The following ILDR2 variants were observed in gnomAD, a reference collection of about 807,000 sequenced individuals.
The protein encoded by ILDR2 is immunoglobulin like domain containing receptor 2, also known as immunoglobulin-like domain-containing receptor 2.
A neutral mutation model predicts 66.8 loss-of-function variants in ILDR2; 25 were observed. The observed-to-expected ratio is 0.37, with a 90% CI of 0.27 to 0.52. ILDR2 has a LOEUF of 0.52. Ranked by LOEUF, ILDR2 falls within the 20% of genes least tolerant of loss-of-function variation. The pLI is 0.88. For synonymous variants in ILDR2, 367 were observed against 357.2 expected, an observed-to-expected ratio of 1.03 and a Z score of -0.31; for missense variants, 827 against 876.8, an observed-to-expected ratio of 0.94 and a Z score of 0.72.
Position 166,975,215 on chromosome 1 carries a change from A to G in ILDR2, c.46+8T>C. The G allele has an allele frequency of 6.2e-7, 1 of 1,606,990 alleles. No homozygotes were observed. The highest frequency in any genetic ancestry group is 1.7e-5 in the Admixed American group (1 of 59,984). On this transcript the variant is annotated splice_region_variant and intron_variant, in intron 1 of 9. Coordinates refer to ENST00000271417, the MANE Select transcript of ILDR2 (RefSeq NM_199351.3). ...AAGTTATTCGTTTCTGTTGAAAAGGACTCTTACCTGTTAGCCAGAAGAGAG... is the reference window on the plus strand; with the variant it reads ...AAGTTATTCGTTTCTGTTGAAAAGGGCTCTTACCTGTTAGCCAGAAGAGAG...
intron 5 of ILDR2, 28 bp from the exon 6 acceptor site, chr1:166,935,505 G>T: frequency 6.5e-7 from 1 of 1,528,342 alleles, no homozygotes. Context: ...GAGCAAGAGA[G>T]ATTACGTCGT....
chr1:166,927,043 C>G (rs373108107), intron 7 of ILDR2, 24 bp downstream of exon 7: 5 of 1,538,442 alleles, frequency 3.3e-6, no homozygotes, highest in Middle Eastern at 1.7e-4. Flanking sequence ...ATGCACAGAT[C>G]ACAGAAAACT....
chr1:166,939,491 T>C (rs1259155213), intron 4 of ILDR2, 23 bp downstream of exon 4: 2 of 1,602,592 alleles, frequency 1.2e-6, no homozygotes, highest in East Asian at 4.5e-5. Flanking sequence ...ATCAAGCAAA[T>C]AAAGAGTTAA....
intron 1 of ILDR2, among the ~76,000 whole-genome samples, chr1:166,969,381 A>T (rs1366685754): frequency 6.6e-6 from 1 of 152,200 alleles, no homozygotes; most frequent in African/African-American, 2.4e-5. Flanking sequence ...AACTCTAGTC[A>T]TCCAAAACAC....
At chr1:166,933,956 A>C (rs1450729450) in intron 6 of ILDR2, among the ~76,000 whole-genome samples, 2 of 152,206 alleles carry the variant, frequency 1.3e-5, no homozygotes, top group Non-Finnish European at 2.9e-5. Context: ...AGGCACTGGC[A>C]GCTCATTAGG....
intron 1 of ILDR2, among the ~76,000 whole-genome samples, chr1:166,971,170 T>C (rs1404733189): frequency 1.3e-5 from 2 of 152,236 alleles, no homozygotes; most frequent in Non-Finnish European, 2.9e-5. Context: ...TGCACAATGC[T>C]ACTCCATAAC....
chr1:166,927,217 G>C, intron 6 of ILDR2, 37 bp from the exon 7 acceptor site: 1 of 1,382,156 alleles, frequency 7.2e-7, no homozygotes, highest in Non-Finnish European at 1.0e-6. Context: ...GCTGAAAAAG[G>C]AAAATATCAG....
At chr1:166,933,585 A>G in intron 6 of ILDR2, 1 of 976,768 alleles carries the variant, frequency 1.0e-6, no homozygotes, top group South Asian at 4.7e-5. Flanking sequence ...ACAAAGAGAA[A>G]CTGGAAAAAG....
At position 166,915,804 on chromosome 1, in the gene ILDR2, C is replaced by T. The variant is rs531104256; in HGVS notation, c.*3551G>A. 6.6e-6 allele frequency: 1 copy of T among 152,328 alleles called. No homozygotes were observed. The highest frequency in any genetic ancestry group is 2.4e-5 in the African/African-American group (1 of 41,558). 9.4% of individuals were successfully genotyped at this position (152,328 alleles called of 1,614,324 possible). On this transcript the variant is annotated 3_prime_UTR_variant, in exon 10 of 10. Coordinates refer to ENST00000271417, the MANE Select transcript of ILDR2 (RefSeq NM_199351.3). ...CCTTGGGTTTGGGTGGCAGCCTTTT[C>T]TCATCTCCAGTATGCCTAATCCTAT... is the stretch of plus-strand genomic sequence containing the variant.
chr1:166,914,765 T>C lies in ILDR2; in HGVS notation c.*4590A>G, dbSNP rs1307871339. ...TGGCAGAAAAAAGCGAGGCACTTTT[T>C]CCTTCTAGGACTTTATGTAGCTGGC... On this transcript the variant is annotated 3_prime_UTR_variant, in exon 10 of 10. Coordinates refer to ENST00000271417, the MANE Select transcript of ILDR2 (RefSeq NM_199351.3). 1 of 152,236 alleles carries C rather than the reference T, an allele frequency of 6.6e-6. No homozygotes were observed. The highest frequency in any genetic ancestry group is 1.5e-5 in the Non-Finnish European group (1 of 68,042). 9.4% of individuals were successfully genotyped at this position (152,236 alleles called of 1,614,324 possible).
chr1:166,898,526 C>G (rs1659207766), intron 2 of ILDR2, among the ~76,000 whole-genome samples: 1 of 152,192 alleles, frequency 6.6e-6, no homozygotes, highest in Non-Finnish European at 1.5e-5. Context: ...TGGCTCAAAG[C>G]ACACCCTCCC....
intron 1 of ILDR2, among the ~76,000 whole-genome samples, chr1:166,959,970 G>A (rs150381552): frequency 3.3e-5 from 5 of 152,296 alleles, no homozygotes; most frequent in Admixed American, 3.3e-4. Flanking sequence ...TCCTTTATTA[G>A]TGCCAGTGTT....
chr1:166,967,404 T>C (rs1212830678), intron 1 of ILDR2, among the ~76,000 whole-genome samples: 3 of 151,946 alleles, frequency 2.0e-5, no homozygotes, highest in Non-Finnish European at 4.4e-5. Flanking sequence ...GGAAGGACAG[T>C]AGGAAGGTAG....
In ILDR2 at chr1:166,909,083, T is replaced by C. The variant is rs1283602795; in HGVS notation, c.*10272A>G. ...TATCCAGTCCATCGCAGTCTCACCTTCCTGGTCATAAACAGACTTGCCACA... is the reference window on the plus strand; with the variant it reads ...TATCCAGTCCATCGCAGTCTCACCTCCCTGGTCATAAACAGACTTGCCACA... On this transcript the variant is annotated 3_prime_UTR_variant, in exon 10 of 10. Transcript: ENST00000271417. The C allele has an allele frequency of 6.6e-6, 1 of 152,238 alleles. No individual in the cohort carries two copies. Among genetic ancestry groups the C allele is most frequent in the East Asian group, 1.9e-4 (1 of 5,194 alleles). 9.4% of individuals were successfully genotyped at this position (152,238 alleles called of 1,614,324 possible). A position where few individuals can be genotyped will look rare whatever the true frequency, so the allele number is the denominator to read the frequency against.
chr1:166,916,818 T>G lies in ILDR2; in HGVS notation c.*2537A>C, dbSNP rs1195881245. On this transcript the variant is annotated 3_prime_UTR_variant, in exon 10 of 10. Coordinates refer to ENST00000271417, the MANE Select transcript of ILDR2 (RefSeq NM_199351.3). ...TTTTGTTGTCTTTGGAATTGCAGGT[T>G]TCCAATTTTAATAATTCTTTCTTTC... 6.6e-6 allele frequency: 1 copy of G among 152,200 alleles called. No individual in the cohort carries two copies. The highest frequency in any genetic ancestry group is 1.9e-4 in the East Asian group (1 of 5,196). 9.4% of individuals were successfully genotyped at this position (152,200 alleles called of 1,614,324 possible). A position where few individuals can be genotyped will look rare whatever the true frequency, so the allele number is the denominator to read the frequency against.
At chr1:166,970,080 G>GT (rs1222899817) in intron 1 of ILDR2, among the ~76,000 whole-genome samples, 2 of 152,224 alleles carry the variant, frequency 1.3e-5, no homozygotes, top group Non-Finnish European at 2.9e-5. Context: ...GGGTGAACAG[G>GT]TAAGTCCCAG....
intron 1 of ILDR2, among the ~76,000 whole-genome samples, chr1:166,959,425 AC>A (rs1662478937): frequency 6.6e-6 from 1 of 152,210 alleles, no homozygotes; most frequent in Non-Finnish European, 1.5e-5. Context: ...AGGAAGTATC[AC>A]TTCAGGAGGA....
At chr1:166,924,018 C>T (rs1269144338) in intron 7 of ILDR2, among the ~76,000 whole-genome samples, 2 of 122,474 alleles carry the variant, frequency 1.6e-5, no homozygotes, top group African/African-American at 3.2e-5. Context: ...TTGCTATCCC[C>T]AAGAGTCCTT....
chr1:166,937,667 ACTGTGGCC>A (rs1661063442), intron 4 of ILDR2, among the ~76,000 whole-genome samples: 1 of 152,228 alleles, frequency 6.6e-6, no homozygotes, highest in South Asian at 2.1e-4. Flanking sequence ...GATAAAAATT[ACTGTGGCC>A]CTCAGGTGAC....
Sources: allele counts gnomAD v4.1 joint callset (sites outside exome capture counted in the v4.1 genomes callset), GRCh38; gene constraint gnomAD v4.1.1; transcripts MANE v1.5; gene names NCBI Gene and HGNC (gene_info 2026-07-23, HGNC 2026-07-21).